CAGE1: variants seen among roughly 807,000 people sequenced by gnomAD.
CAGE1 encodes cancer-associated gene 1 protein.
Under a neutral mutation model 94.9 loss-of-function variants are expected in CAGE1, and 66 were observed. The ratio of observed to expected loss-of-function variants is 0.70; its 90% CI spans 0.57 to 0.85. CAGE1 has a LOEUF of 0.85. CAGE1 is among the 40% of genes least tolerant of loss of function. The probability of loss-of-function intolerance (pLI) is 0.00; values close to 1 mark genes in which losing one functional copy is unlikely to be tolerated. For synonymous variants in CAGE1, 319 were observed against 321.0 expected (o/e 0.99, Z 0.07); for missense variants, 865 against 950.4 (o/e 0.91, Z 1.18).
At chr6:7,328,925 TATATATATA>T (rs1561843930) in intron 13 of CAGE1, among the ~76,000 whole-genome samples, 14 of 101,006 alleles carry the variant, frequency 1.4e-4, no homozygotes, top group Admixed American at 3.1e-4. Context: ...TGTGTATATA[TATATATATA>T]TTTTTTTTTT....
At chr6:7,344,421 T>G (rs1467535738) in intron 11 of CAGE1, among the ~76,000 whole-genome samples, 1 of 152,248 alleles carries the variant, frequency 6.6e-6, no homozygotes. Flanking sequence ...GGCGCTGTGC[T>G]CGATTTCTCA....
intron 3 of CAGE1, among the ~76,000 whole-genome samples, chr6:7,380,442 G>A (rs1446632701): frequency 3.9e-5 from 6 of 152,176 alleles, no homozygotes; most frequent in Admixed American, 2.0e-4. Flanking sequence ...TTCGAGACCA[G>A]CCTGGTCAAC....
At chr6:7,333,746 G>A (rs1758851897) in intron 12 of CAGE1, among the ~76,000 whole-genome samples, 1 of 147,780 alleles carries the variant, frequency 6.8e-6, no homozygotes, top group South Asian at 2.1e-4. Context: ...TCGGCTCACT[G>A]CAACCTCCGC....
At chr6:7,328,894 GTGTGTGTGTGTGTGTGTGTGTGTGTATA>G in intron 13 of CAGE1, among the ~76,000 whole-genome samples, 1 of 91,544 alleles carries the variant, frequency 1.1e-5, no homozygotes, top group East Asian at 3.7e-4. Context: ...GTGTGTGTGT[GTGTGTGTGTGTGTGTGTGTGTGTGTATA>G]TATATATATA....
chr6:7,375,841 C>T (rs182533639), intron 4 of CAGE1, among the ~76,000 whole-genome samples: 157 of 152,236 alleles, frequency 1.0e-3, no homozygotes, highest in African/African-American at 3.6e-3. Flanking sequence ...TCTGCAGAAC[C>T]TTGTATCTTA....
Position 7,385,871 on chromosome 6 carries a change from T to C in CAGE1, c.197A>G (p.Asn66Ser), listed in dbSNP as rs1761105560. The part of the protein sequence containing the change: ...TTGTTCDLPQ[N>S]EIKNFERENE... Reference sequence around the variant, plus strand: ...TTCCCTTTCAAAATTCTTTATTTCGTTCTGTATTAATAAAAAAGGCATCAA... The same window carrying C: ...TTCCCTTTCAAAATTCTTTATTTCGCTCTGTATTAATAAAAAAGGCATCAA... The change falls in exon 3 of 14, where the codon AAC (asparagine) becomes AGC (serine). Residue 66 changes from asparagine (N) to serine (S), a missense_variant and splice_region_variant. Transcript: ENST00000502583. 1 of 1,515,078 alleles carries C rather than the reference T, an allele frequency of 6.6e-7. No homozygotes were observed. Among genetic ancestry groups the C allele is most frequent in the Non-Finnish European group, 8.9e-7 (1 of 1,125,244 alleles). 93.9% of individuals were successfully genotyped at this position (1,515,078 alleles called of 1,614,324 possible). A position where few individuals can be genotyped will look rare whatever the true frequency, so the allele number is the denominator to read the frequency against.
At chr6:7,368,040 G>A (rs1348579603) in intron 7 of CAGE1, among the ~76,000 whole-genome samples, 2 of 152,070 alleles carry the variant, frequency 1.3e-5, no homozygotes, top group African/African-American at 2.4e-5. Flanking sequence ...TTCAATGGCT[G>A]CATTTCATTA....
At chr6:7,358,353 T>C (rs1760052198) in intron 9 of CAGE1, among the ~76,000 whole-genome samples, 2 of 152,126 alleles carry the variant, frequency 1.3e-5, no homozygotes, top group Admixed American at 1.3e-4. Flanking sequence ...CTATGTTGCA[T>C]GTGTTTCAGT....
intron 9 of CAGE1, among the ~76,000 whole-genome samples, chr6:7,363,370 A>G (rs1760222460): frequency 6.6e-6 from 1 of 152,216 alleles, no homozygotes; most frequent in African/African-American, 2.4e-5. Context: ...ATTTCTTAAT[A>G]TTATCTAATA....
chr6:7,355,923 G>T, intron 10 of CAGE1, 102 bp downstream of exon 10: 1 of 643,682 alleles, frequency 1.6e-6, no homozygotes. Context: ...AGGCTTGCTT[G>T]AGCCCAGGGG....
chr6:7,333,624 A>ATCT, intron 12 of CAGE1, among the ~76,000 whole-genome samples: 1 of 93,568 alleles, frequency 1.1e-5, no homozygotes, highest in Admixed American at 1.1e-4. Flanking sequence ...AGTATTATCT[A>ATCT]ACTATCTATC....
At chr6:7,371,148 G>GCAT (rs990780799) in intron 5 of CAGE1, among the ~76,000 whole-genome samples, 2 of 152,214 alleles carry the variant, frequency 1.3e-5, no homozygotes, top group South Asian at 4.1e-4. Flanking sequence ...AGGAGCAGCA[G>GCAT]CATCAACAAC....
At position 7,368,722 on chromosome 6, in the gene CAGE1, C is replaced by T. The variant is rs536949246; in HGVS notation, c.1970G>A (p.Ser657Asn). 1 of 1,545,728 alleles carries T rather than the reference C, an allele frequency of 6.5e-7. No homozygotes were observed. Among genetic ancestry groups the T allele is most frequent in the South Asian group, 1.2e-5 (1 of 80,472 alleles). Reference sequence around the variant, plus strand: ...TAAAGTTTTCTTTTTAAGATGGAGGCTCTTCAGTTTTTGCAGCATTATATC... The same window carrying T: ...TAAAGTTTTCTTTTTAAGATGGAGGTTCTTCAGTTTTTGCAGCATTATATC... ...VSDIMLQKLK[S>N]LHLKKKTLDK... The change falls in exon 7 of 14, where the codon AGC (serine) becomes AAC (asparagine). Residue 657 changes from serine to asparagine, a missense_variant. Coordinates refer to ENST00000502583, the MANE Select transcript of CAGE1 (RefSeq NM_001170692.2).
chr6:7,363,089 A>G (rs1019369081), intron 9 of CAGE1, among the ~76,000 whole-genome samples: 2 of 152,070 alleles, frequency 1.3e-5, no homozygotes, highest in Admixed American at 6.6e-5. Context: ...GCCAACATGG[A>G]AAAACCCTGT....
intron 6 of CAGE1, among the ~76,000 whole-genome samples, chr6:7,369,601 C>T (rs544289189): frequency 1.3e-5 from 2 of 152,304 alleles, no homozygotes; most frequent in African/African-American, 4.8e-5. Flanking sequence ...AATCACTAGG[C>T]GCAGACTGAC....
chr6:7,372,960 T>C, intron 5 of CAGE1, 113 bp downstream of exon 5: 1 of 810,318 alleles, frequency 1.2e-6, no homozygotes, highest in Admixed American at 3.3e-5. Context: ...TCTGTTTCTT[T>C]CTTTAATAAT....
At position 7,373,685 on chromosome 6, in the gene CAGE1, A is replaced by C. The variant is rs1760633652; in HGVS notation, c.1134T>G (p.Thr378=). The C allele has an allele frequency of 6.2e-7, 1 of 1,612,864 alleles. No homozygotes were observed. Among genetic ancestry groups the C allele is most frequent in the African/African-American group, 1.3e-5 (1 of 74,884 alleles). The change falls in exon 5 of 14, where the codon ACT becomes ACG. Residue 378 remains threonine (T), a synonymous_variant. Transcript: ENST00000502583. ...KYKIILEKND[T]KKTLQNLEEV... ...CTTCCAAATTCTGCAATGTCTTTTT[A>C]GTATCATTCTTCTCTAGGATTATTT...
At chr6:7,350,741 C>T (rs1759740232) in intron 11 of CAGE1, among the ~76,000 whole-genome samples, 1 of 152,056 alleles carries the variant, frequency 6.6e-6, no homozygotes, top group Non-Finnish European at 1.5e-5. Context: ...CTATCAAAAC[C>T]TCTGGAGTAC....
intron 11 of CAGE1, among the ~76,000 whole-genome samples, chr6:7,340,178 G>A (rs1759112436): frequency 6.6e-6 from 1 of 152,194 alleles, no homozygotes; most frequent in Non-Finnish European, 1.5e-5. Flanking sequence ...TAGTGATGCT[G>A]AGCATTTTTT....
Sources: gnomAD v4.1 joint callset for allele counts (sites outside exome capture counted in the v4.1 genomes callset) on GRCh38, gnomAD v4.1.1 for gene constraint, MANE v1.5 for transcripts, NCBI Gene and HGNC (gene_info 2026-07-23, HGNC 2026-07-21) for gene names.